Variants in TTLL3 observed in about 807,000 individuals in gnomAD.
The protein encoded by TTLL3 is tubulin monoglycylase TTLL3.
In TTLL3, 63 loss-of-function variants were observed where a neutral mutation model predicts 75.2. The observed-to-expected ratio is 0.84, with a 90% CI of 0.68 to 1.03. The LOEUF (loss-of-function observed/expected upper bound fraction) is 1.03. TTLL3 is among the 50% of genes least tolerant of loss of function. TTLL3 has a pLI of 0.00. For synonymous variants in TTLL3, 393 were observed against 418.5 expected, an observed-to-expected ratio of 0.94 and a Z score of 0.74; for missense variants, 997 against 1,069.9, an observed-to-expected ratio of 0.93 and a Z score of 0.95.
In TTLL3 at chr3:9,823,412, T is replaced by G. The variant is rs569962359; in HGVS notation, c.855-2388T>G. On this transcript the variant is annotated intron_variant, in intron 8 of 13. Transcript: ENST00000685419. The stretch of plus-strand genomic sequence containing the variant: ...AAAAACAAACAGCCAGTTTTTTTTT[T>G]TTTTTTTTTTTAAATCCTGGATTTT... Among the ~76,000 whole-genome samples, 31 of 151,076 alleles carry G rather than the reference T, an allele frequency of 2.1e-4. No homozygotes were observed. The East Asian group carries it at 2.1e-3, about 10-fold the overall frequency.
At chr3:9,820,517 G>C (rs2080312733) in intron 7 of TTLL3, 29 bp from the exon 8 acceptor site, 1 of 1,611,822 alleles carries the variant, frequency 6.2e-7, no homozygotes, top group South Asian at 1.1e-5. Context: ...CTTGATATGG[G>C]ATCGTGACAG....
Position 9,812,973 on chromosome 3 carries a change from T to A in TTLL3, c.79T>A (p.Tyr27Asn), listed in dbSNP as rs1297787979. 3 of 1,527,958 alleles carry A rather than the reference T, an allele frequency of 2.0e-6. No homozygotes were observed. Among genetic ancestry groups the A allele is most frequent in the Non-Finnish European group, 2.6e-6 (3 of 1,136,816 alleles). The allele number at this position is 1,527,958 out of a possible 1,614,324, so 94.7% of individuals were successfully genotyped here. A position where few individuals can be genotyped will look rare whatever the true frequency, so the allele number is the denominator to read the frequency against. Reference sequence around the variant, plus strand: ...GAAGATCTTTACAATCCAAGGCTGCTACCCGGTGATCCGGTGTCTCTTGCG... The same window carrying A: ...GAAGATCTTTACAATCCAAGGCTGCAACCCGGTGATCCGGTGTCTCTTGCG... ...QKKIFTIQGC[Y>N]PVIRCLLRRR... The change falls in exon 3 of 14, where the codon TAC becomes AAC. Residue 27 changes from tyrosine (Y) to asparagine (N), a missense_variant. Physicochemically the swap from Tyr to Asn is moderately radical, Grantham distance 143. Transcript: ENST00000685419.
chr3:9,817,152 C>A (rs1229913260), intron 5 of TTLL3, among the ~76,000 whole-genome samples: 1 of 152,096 alleles, frequency 6.6e-6, no homozygotes, highest in Non-Finnish European at 1.5e-5. Context: ...GGGCCGGGCA[C>A]AGTGGCTCAC....
intron 7 of TTLL3, 178 bp downstream of exon 7, chr3:9,819,098 TCCA>T (rs2080172631): frequency 1.3e-6 from 1 of 782,672 alleles, no homozygotes; most frequent in Non-Finnish European, 2.0e-6. Context: ...CATCCACTCA[TCCA>T]CCCACGTATT....
At chr3:9,821,850 A>G (rs1164216152) in intron 8 of TTLL3, among the ~76,000 whole-genome samples, 5 of 151,782 alleles carry the variant, frequency 3.3e-5, no homozygotes, top group Non-Finnish European at 5.9e-5. Context: ...TAAAAATATG[A>G]AAATTAGCTG....
intron 6 of TTLL3, 87 bp downstream of exon 6, chr3:9,817,846 C>T (rs2080035919): frequency 1.3e-6 from 2 of 1,543,384 alleles, no homozygotes; most frequent in Non-Finnish European, 1.8e-6. Context: ...AAACAGGCCT[C>T]TCTTCATGCC....
intron 4 of TTLL3, among the ~76,000 whole-genome samples, chr3:9,815,241 C>A (rs1426634470): frequency 1.8e-4 from 25 of 140,636 alleles, no homozygotes; most frequent in Non-Finnish European, 2.0e-4. Context: ...GACTCCATCT[C>A]AAAAAAAAAA....
At chr3:9,832,542 A>G (rs988904177) in intron 11 of TTLL3, among the ~76,000 whole-genome samples, 1 of 152,194 alleles carries the variant, frequency 6.6e-6, no homozygotes, top group Admixed American at 6.5e-5. Context: ...CAGGACATAC[A>G]GCTTGGCCTG....
upstream of TTLL3, chr3:9,810,054 G>T (rs939506435): frequency 3.0e-4 from 407 of 1,338,064 alleles, no homozygotes; most frequent in Non-Finnish European, 3.6e-4. The surrounding 1 kb of genome is among the most constrained non-coding windows in gnomAD (Gnocchi z 4.4). Flanking sequence ...GGGAGCTGGG[G>T]CCCGGGCGCC....
chr3:9,812,309 G>A (rs2079427335), intron 2 of TTLL3, among the ~76,000 whole-genome samples: 1 of 152,186 alleles, frequency 6.6e-6, no homozygotes, highest in African/African-American at 2.4e-5. Context: ...GAGGCCAGGA[G>A]TTCAAGACCA....
At chr3:9,815,994 TCAG>T (rs2079820314) in intron 4 of TTLL3, 77 bp from the exon 5 acceptor site, 2 of 1,243,272 alleles carry the variant, frequency 1.6e-6, no homozygotes, top group African/African-American at 3.1e-5. Flanking sequence ...CCCACCCTGC[TCAG>T]CAGGGCAGGG....
chr3:9,820,989 G>T lies in TTLL3; in HGVS notation c.854+248G>T, dbSNP rs1200895455. 4 of 506,190 alleles carry T rather than the reference G, an allele frequency of 7.9e-6. No homozygotes were observed. In the South Asian group the frequency reaches 1.7e-4, roughly 21 times the overall value. 31.4% of individuals were successfully genotyped at this position (506,190 alleles called of 1,614,324 possible). ...AAATGGACAGCACATTACCCAAAGT[G>T]TGTGTTGTGTGGATGTTAATTCTAC... On this transcript the variant is annotated intron_variant, in intron 8 of 13. Transcript: ENST00000685419.
rs114712136 is a variant in TTLL3 at position 9,835,161 on chromosome 3, C to T, written c.2120C>T (p.Ser707Leu). The T allele has an allele frequency of 2.8e-4, 445 of 1,614,198 alleles. 1 individual carries two copies. In the African/African-American group the frequency reaches 5.3e-3, roughly 19 times the overall value. The stretch of plus-strand genomic sequence containing the variant: ...CCTTGTTGCCTCTGCCCTTTGAAGT[C>T]GGAACAATTCCTAGCACCTGTCGGA... ...EVPCCLCPLK[S>L]EQFLAPVGRS... Residue 707 changes from serine (S) to leucine (L), a missense_variant, in exon 14 of 14, where the codon TCG (serine) becomes TTG (leucine). Physicochemically the swap from Ser to Leu is moderately radical, Grantham distance 145. Transcript: ENST00000685419.
At chr3:9,820,422 G>A in intron 7 of TTLL3, 124 bp from the exon 8 acceptor site, 3 of 1,531,636 alleles carry the variant, frequency 2.0e-6, no homozygotes, top group African/African-American at 1.4e-5. Flanking sequence ...AGGGCAGTAG[G>A]GGATCTATCT....
intron 11 of TTLL3, among the ~76,000 whole-genome samples, 183 bp from the exon 12 acceptor site, chr3:9,832,921 T>G (rs377648561): frequency 6.6e-6 from 1 of 152,164 alleles, no homozygotes; most frequent in South Asian, 2.1e-4. Flanking sequence ...GGCTAGCAAT[T>G]CCTGGAGCTC....
chr3:9,826,605 C>T (rs1018234387), intron 9 of TTLL3, among the ~76,000 whole-genome samples: 1 of 151,690 alleles, frequency 6.6e-6, no homozygotes, highest in Non-Finnish European at 1.5e-5. Context: ...TGGTGGCAGG[C>T]ACCCATAATC....
chr3:9,813,304 T>G lies in TTLL3; in HGVS notation c.274T>G (p.Leu92Val), dbSNP rs766651406. 1.2e-6 allele frequency: 2 copies of G among 1,614,076 alleles called. No individual in the cohort carries two copies. Among genetic ancestry groups the G allele is most frequent in the Non-Finnish European group, 1.7e-6 (2 of 1,180,050 alleles). Residue 92 changes from leucine (L) to valine (V), a missense_variant, in exon 4 of 14, where the codon TTA (leucine) becomes GTA (valine). By Grantham distance (32) the Leu-to-Val change is conservative. Coordinates refer to ENST00000685419, the MANE Select transcript of TTLL3 (RefSeq NM_001387446.1). ...QPSQLFDFDD[L>V]LKFDDLDGTH... ...ATCACAGCTGTTCGACTTCGATGAT[T>G]TACTGAAATTTGATGACCTAGATGG...
chr3:9,825,829 C>T lies in TTLL3; in HGVS notation c.884C>T (p.Thr295Ile), dbSNP rs755194928. Residue 295 changes from threonine (T) to isoleucine (I), a missense_variant, in exon 9 of 14, where the codon ACT becomes ATT. By Grantham distance (89) the Thr-to-Ile change is moderately conservative. Transcript: ENST00000685419. ...HEGAELRHLD[T>I]QVQRCEDILQ... ...GGGGCAGAACTCAGGCACCTCGACACTCAGGTCCAGCGCTGTGAGGACATC... is the reference window on the plus strand; with the variant it reads ...GGGGCAGAACTCAGGCACCTCGACATTCAGGTCCAGCGCTGTGAGGACATC... 3.1e-6 allele frequency: 5 copies of T among 1,614,186 alleles called. No homozygotes were observed. The highest frequency in any genetic ancestry group is 2.2e-5 in the South Asian group (2 of 91,082).
chr3:9,818,755 A>G, intron 6 of TTLL3, 67 bp from the exon 7 acceptor site: 1 of 1,610,958 alleles, frequency 6.2e-7, no homozygotes, highest in African/African-American at 1.3e-5. Context: ...AGTCATGATC[A>G]GGTTCTGGAA....
Sources: gnomAD v4.1 joint callset for allele counts (sites outside exome capture counted in the v4.1 genomes callset) on GRCh38, gnomAD v4.1.1 for gene constraint, Gnocchi (gnomAD v3.1) non-coding constraint, MANE v1.5 for transcripts, NCBI Gene and HGNC (gene_info 2026-07-23, HGNC 2026-07-21) for gene names.